The following MBNL2 variants were observed in gnomAD, a reference collection of about 807,000 sequenced individuals.
The protein encoded by MBNL2 is muscleblind like splicing regulator 2.
A neutral mutation model predicts 41.9 loss-of-function variants in MBNL2; 17 were observed. The observed-to-expected ratio is 0.41, with a 90% CI of 0.28 to 0.61. The LOEUF (loss-of-function observed/expected upper bound fraction) is 0.61. Ranked by LOEUF, MBNL2 falls within the 20% of genes least tolerant of loss-of-function variation. The pLI is 0.35. For missense variants in MBNL2, 336 were observed against 505.6 expected, an observed-to-expected ratio of 0.66 and a Z score of 3.22; for synonymous variants, 195 against 182.9, an observed-to-expected ratio of 1.07 and a Z score of -0.53.
chr13:97,346,296 G>C lies in MBNL2; in HGVS notation c.541-508G>C, dbSNP rs1309478877. ...GGATAGATGGATGGGTGGATGGATA[G>C]ATAGATGGATAATAGATAATAGAGG... On this transcript the variant is annotated intron_variant, in intron 4 of 8. Coordinates refer to ENST00000679496, the MANE Select transcript of MBNL2 (RefSeq NM_001382683.1). This position sits in a 1 kb window ranked among gnomAD's most constrained non-coding sequence, Gnocchi z 4.2. 6.6e-6 allele frequency among the ~76,000 whole-genome samples: 1 copy of C among 152,100 alleles called. No individual in the cohort carries two copies. Among genetic ancestry groups the C allele is most frequent in the Non-Finnish European group, 1.5e-5 (1 of 67,994 alleles).
At chr13:97,224,165 C>T (rs1418478622) in intron 1 of MBNL2, among the ~76,000 whole-genome samples, 5 of 152,200 alleles carry the variant, frequency 3.3e-5, no homozygotes, top group African/African-American at 1.2e-4. Flanking sequence ...CTGACTCCCC[C>T]TTGGTGCAGC....
At chr13:97,271,024 T>A (rs1462003179) in intron 1 of MBNL2, among the ~76,000 whole-genome samples, 2 of 152,116 alleles carry the variant, frequency 1.3e-5, no homozygotes, top group Non-Finnish European at 2.9e-5. Context: ...GTACCTGTGA[T>A]ATAATGCACA....
Position 97,391,565 on chromosome 13 carries a change from C to A in MBNL2, c.*116C>A. The A allele has an allele frequency of 1.5e-6, 1 of 679,744 alleles. No individual in the cohort carries two copies. The highest frequency in any genetic ancestry group is 1.7e-5 in the South Asian group (1 of 57,766). The allele number at this position is 679,744 out of a possible 1,614,324, so 42.1% of individuals were successfully genotyped here. A position where few individuals can be genotyped will look rare whatever the true frequency, so the allele number is the denominator to read the frequency against. On this transcript the variant is annotated 3_prime_UTR_variant, in exon 9 of 9. Transcript: ENST00000679496. ...TATTCCAACCTAAGATAGTTAACTA[C>A]CTGAGACCAGCTGTGATGTTTAAAG...
the MBNL2 span, among the ~76,000 whole-genome samples, chr13:97,189,812 A>G: frequency 6.6e-6 from 1 of 152,264 alleles, no homozygotes; most frequent in South Asian, 2.1e-4. Context: ...AAAGGGACAG[A>G]TAAGGAATTT....
chr13:97,364,454 T>C (rs1169947862), intron 7 of MBNL2, among the ~76,000 whole-genome samples: 1 of 152,236 alleles, frequency 6.6e-6, no homozygotes, highest in Non-Finnish European at 1.5e-5. Flanking sequence ...CACGTACTCA[T>C]ACAGGTCATT....
intron 1 of MBNL2, among the ~76,000 whole-genome samples, chr13:97,242,035 T>C (rs569128284): frequency 6.6e-6 from 1 of 152,090 alleles, no homozygotes; most frequent in Non-Finnish European, 1.5e-5. Flanking sequence ...CGATGCCTTC[T>C]GAAGCAACAA....
chr13:97,203,654 G>T, the MBNL2 span, among the ~76,000 whole-genome samples: 4 of 152,034 alleles, frequency 2.6e-5, no homozygotes, highest in African/African-American at 9.7e-5. Flanking sequence ...GTCAAGCACC[G>T]CCTGACTCTT....
At chr13:97,300,200 T>C (rs763564459) in intron 2 of MBNL2, among the ~76,000 whole-genome samples, 6 of 152,120 alleles carry the variant, frequency 3.9e-5, no homozygotes, top group Non-Finnish European at 7.4e-5. Context: ...GAAAACTTTG[T>C]CCAACAGCCA....
chr13:97,187,610 A>G, the MBNL2 span, among the ~76,000 whole-genome samples: 2 of 147,056 alleles, frequency 1.4e-5, no homozygotes, highest in African/African-American at 4.9e-5. Flanking sequence ...AAAAAAAAAA[A>G]AAAAAAAAAA....
chr13:97,275,706 A>T lies in MBNL2; in HGVS notation c.-530A>T, dbSNP rs949432195. On this transcript the variant is annotated 5_prime_UTR_variant, in exon 2 of 9. Coordinates refer to ENST00000679496, the MANE Select transcript of MBNL2 (RefSeq NM_001382683.1). The stretch of plus-strand genomic sequence containing the variant: ...CAGCTTGGGAGCTTTCTTTGTATTC[A>T]CATCCCACTCTTCTGTCAAGTACAC... 1 of 152,236 alleles carries T rather than the reference A, an allele frequency of 6.6e-6. No individual in the cohort carries two copies. The highest frequency in any genetic ancestry group is 2.4e-5 in the African/African-American group (1 of 41,462). The allele number at this position is 152,236 out of a possible 1,614,324, so 9.4% of individuals were successfully genotyped here. A position where few individuals can be genotyped will look rare whatever the true frequency, so the allele number is the denominator to read the frequency against.
chr13:97,263,266 C>T (rs1162828856), intron 1 of MBNL2, among the ~76,000 whole-genome samples: 1 of 152,202 alleles, frequency 6.6e-6, no homozygotes, highest in Non-Finnish European at 1.5e-5. Flanking sequence ...TTCCCCTCCC[C>T]TGCCAACCTT....
chr13:97,336,207 G>T (rs907419981), intron 3 of MBNL2, among the ~76,000 whole-genome samples: 1 of 152,170 alleles, frequency 6.6e-6, no homozygotes, highest in African/African-American at 2.4e-5. Context: ...TATGAAAAAT[G>T]AATATTACAC....
At chr13:97,361,742 G>T (rs1165962280) in intron 7 of MBNL2, among the ~76,000 whole-genome samples, 1 of 149,584 alleles carries the variant, frequency 6.7e-6, no homozygotes, top group African/African-American at 2.5e-5. Flanking sequence ...AATAAGAGCG[G>T]ATTTTTATAG....
the MBNL2 span, among the ~76,000 whole-genome samples, chr13:97,188,060 T>C: frequency 2.6e-5 from 4 of 152,300 alleles, no homozygotes; most frequent in East Asian, 7.7e-4. Flanking sequence ...AACAAGGCTG[T>C]TTTAGGTTTC....
At chr13:97,282,398 T>C in intron 2 of MBNL2, among the ~76,000 whole-genome samples, 1 of 152,014 alleles carries the variant, frequency 6.6e-6, no homozygotes, top group East Asian at 1.9e-4. Context: ...AAATAGAAGC[T>C]CCCAGGAGTA....
At position 97,275,957 on chromosome 13, in the gene MBNL2, A is replaced by G. The variant is rs969023672; in HGVS notation, c.-279A>G. The G allele has an allele frequency of 5.1e-5, 16 of 313,244 alleles. No individual in the cohort carries two copies. The highest frequency in any genetic ancestry group is 7.0e-5 in the Non-Finnish European group (12 of 170,502). 19.4% of individuals were successfully genotyped at this position (313,244 alleles called of 1,614,324 possible). A position where few individuals can be genotyped will look rare whatever the true frequency, so the allele number is the denominator to read the frequency against. On this transcript the variant is annotated 5_prime_UTR_variant, in exon 2 of 9. Transcript: ENST00000679496. ...TTTATTAATAACAGCTGTATCTGCA[A>G]AACAGTCAAGAGACTCGGACGTTGA...
intron 1 of MBNL2, among the ~76,000 whole-genome samples, chr13:97,250,586 T>C (rs559013004): frequency 6.6e-6 from 1 of 152,316 alleles, no homozygotes; most frequent in East Asian, 1.9e-4. Flanking sequence ...ACCCTCCTTT[T>C]AGTATGCAGA....
upstream of MBNL2, among the ~76,000 whole-genome samples, chr13:97,218,440 C>CAAAAAAAAAAAAAAAA (rs372883729): frequency 4.2e-5 from 5 of 117,948 alleles, no homozygotes; most frequent in African/African-American, 1.7e-4. Context: ...CAAAACAAAA[C>CAAAAAAAAAAAAAAAA]AAAAAAAAAA....
chr13:97,218,442 A>AAAAAC (rs1555302268), upstream of MBNL2, among the ~76,000 whole-genome samples: 1 of 145,596 alleles, frequency 6.9e-6, no homozygotes, highest in African/African-American at 2.7e-5. Context: ...AAACAAAACA[A>AAAAAC]AAAAAAAAAA....
Sources: allele counts gnomAD v4.1 joint callset (sites outside exome capture counted in the v4.1 genomes callset), GRCh38; gene constraint gnomAD v4.1.1; non-coding constraint Gnocchi (gnomAD v3.1); transcripts MANE v1.5; gene names NCBI Gene and HGNC (gene_info 2026-07-23, HGNC 2026-07-21).